The following TXN variants were observed in gnomAD, a reference collection of about 807,000 sequenced individuals.
The protein encoded by TXN is thioredoxin.
TXN carries 10 observed loss-of-function variants against 16.5 expected under a neutral mutation model. That is an observed-to-expected ratio of 0.61 (90% CI 0.37 to 1.03). The LOEUF (loss-of-function observed/expected upper bound fraction) is 1.03. TXN is among the 50% of genes least tolerant of loss of function. The pLI is 0.01. For synonymous variants in TXN, 35 were observed against 39.4 expected (o/e 0.89, Z 0.42); for missense variants, 71 against 122.5 (o/e 0.58, Z 1.98).
At chr9:110,245,634 A>ATG (rs1837642263) in intron 3 of TXN, among the ~76,000 whole-genome samples, 1 of 23,482 alleles carries the variant, frequency 4.3e-5, no homozygotes. Flanking sequence ...ATATATATAT[A>ATG]TATATATATA....
rs1268499168 is a variant in TXN at position 110,245,646 on chromosome 9, A to AT, written c.190-804dup. 2.9e-3 allele frequency among the ~76,000 whole-genome samples: 82 copies of AT among 27,914 alleles called. 4 individuals are homozygous for AT. The highest frequency in any genetic ancestry group is 6.4e-3 in the African/African-American group (32 of 4,976). The allele number at this position is 27,914 out of a possible 152,430, so 18.3% of individuals were successfully genotyped here. On this transcript the variant is annotated intron_variant, in intron 3 of 4. Transcript: ENST00000374517. ...TATATATATATATATATATATATAT[A>AT]TATATATATTTTTTTTTTTTTTTTT...
chr9:110,253,124 A>G (rs117090056), intron 1 of TXN, among the ~76,000 whole-genome samples: 3,769 of 151,952 alleles, frequency 0.025, 71 homozygotes, highest in Non-Finnish European at 0.038. Flanking sequence ...TCAAATAAAT[A>G]AAAAACCATA....
chr9:110,245,654 A>ATTTTT lies in TXN; in HGVS notation c.190-816_190-812dup, dbSNP rs1228829953. On this transcript the variant is annotated intron_variant, in intron 3 of 4. Transcript: ENST00000374517. Reference sequence around the variant, plus strand: ...TATATATATATATATATATATATATATTTTTTTTTTTTTTTTTTTATAGGG... The same window carrying ATTTTT: ...TATATATATATATATATATATATATATTTTTTTTTTTTTTTTTTTTTTTTATAGGG... 6.9e-4 allele frequency among the ~76,000 whole-genome samples: 15 copies of ATTTTT among 21,784 alleles called. 1 individual carries two copies. Among genetic ancestry groups the ATTTTT allele is most frequent in the South Asian group, 2.4e-3 (1 of 412 alleles). The allele number at this position is 21,784 out of a possible 152,430, so 14.3% of individuals were successfully genotyped here. A position where few individuals can be genotyped will look rare whatever the true frequency, so the allele number is the denominator to read the frequency against.
intron 2 of TXN, 56 bp downstream of exon 2, chr9:110,251,302 A>G: frequency 7.7e-7 from 1 of 1,304,148 alleles, no homozygotes; most frequent in South Asian, 1.2e-5. Flanking sequence ...TACCACTGTG[A>G]CCACCAACTC....
At chr9:110,253,898 A>G (rs926702003) in intron 1 of TXN, among the ~76,000 whole-genome samples, 27 of 152,316 alleles carry the variant, frequency 1.8e-4, no homozygotes, top group African/African-American at 6.0e-4. Flanking sequence ...TGGGGGAAGC[A>G]GAACAGTGTA....
chr9:110,247,582 A>G (rs1308209765), intron 3 of TXN, among the ~76,000 whole-genome samples: 4 of 152,230 alleles, frequency 2.6e-5, no homozygotes, highest in African/African-American at 4.8e-5. Context: ...CTGCGCTGCA[A>G]TTACATACAA....
intron 3 of TXN, among the ~76,000 whole-genome samples, chr9:110,246,818 T>C (rs1041153477): frequency 3.9e-5 from 6 of 152,288 alleles, no homozygotes; most frequent in East Asian, 1.9e-4. Context: ...ATGGTGAATG[T>C]TTATTGAATG....
At chr9:110,247,621 C>T (rs970906579) in intron 3 of TXN, among the ~76,000 whole-genome samples, 3 of 152,264 alleles carry the variant, frequency 2.0e-5, no homozygotes, top group African/African-American at 2.4e-5. Flanking sequence ...GCTTTACCTG[C>T]GGAATAGCCA....
intron 3 of TXN, among the ~76,000 whole-genome samples, chr9:110,247,442 A>G (rs899206004): frequency 4.6e-5 from 7 of 152,194 alleles, no homozygotes; most frequent in Admixed American, 1.3e-4. Flanking sequence ...AATGCACCAT[A>G]TAACATTTAG....
At chr9:110,254,991 A>G (rs1001086090) in intron 1 of TXN, among the ~76,000 whole-genome samples, 14 of 152,386 alleles carry the variant, frequency 9.2e-5, no homozygotes, top group African/African-American at 3.1e-4. Context: ...TTTTCAACAC[A>G]TGAGGGCTGC....
chr9:110,244,421 C>T (rs1469825519), intron 4 of TXN, among the ~76,000 whole-genome samples: 1 of 147,074 alleles, frequency 6.8e-6, no homozygotes, highest in East Asian at 2.0e-4. Context: ...GTAAACTTCC[C>T]TGAATAACAT....
intron 3 of TXN, among the ~76,000 whole-genome samples, chr9:110,245,655 T>TATATA (rs1491112333): frequency 8.4e-4 from 11 of 13,162 alleles, no homozygotes; most frequent in Non-Finnish European, 9.9e-4. Context: ...TATATATATA[T>TATATA]TTTTTTTTTT....
chr9:110,253,067 A>C (rs1482546290), intron 1 of TXN, among the ~76,000 whole-genome samples: 1 of 152,072 alleles, frequency 6.6e-6, no homozygotes, highest in African/African-American at 2.4e-5. Context: ...AAAAAAATGA[A>C]CATTCCCCGC....
chr9:110,254,600 A>T (rs1055147382), intron 1 of TXN, among the ~76,000 whole-genome samples: 1 of 152,246 alleles, frequency 6.6e-6, no homozygotes, highest in African/African-American at 2.4e-5. Flanking sequence ...TATTTTGAGG[A>T]TTAATTGATT....
chr9:110,251,054 T>G (rs993542609), intron 2 of TXN, among the ~76,000 whole-genome samples, 175 bp from the exon 3 acceptor site: 5 of 152,152 alleles, frequency 3.3e-5, no homozygotes, highest in Admixed American at 6.5e-5. Context: ...AATCAAATTT[T>G]TCTTAGTATA....
intron 1 of TXN, among the ~76,000 whole-genome samples, chr9:110,253,068 C>T (rs1837762212): frequency 6.6e-6 from 1 of 151,580 alleles, no homozygotes; most frequent in Admixed American, 6.6e-5. Context: ...AAAAAATGAA[C>T]ATTCCCCGCC....
At chr9:110,249,574 G>T (rs1020385764) in intron 3 of TXN, among the ~76,000 whole-genome samples, 6 of 152,170 alleles carry the variant, frequency 3.9e-5, no homozygotes, top group Non-Finnish European at 7.3e-5. Context: ...AAGGGGTGAA[G>T]CTCATGACAA....
rs574320158 is a variant in TXN at position 110,255,023 on chromosome 9, A to G, written c.24+1389T>C. 1.2e-4 allele frequency among the ~76,000 whole-genome samples: 18 copies of G among 152,368 alleles called. 2 individuals carry two copies. The South Asian group carries it at 3.7e-3, about 32-fold the overall frequency. ...CTGCTAAAATGAGAATCCCACTAAGAAAAAACTGATTGAGAGGAAGATAAA... is the reference window on the plus strand; with the variant it reads ...CTGCTAAAATGAGAATCCCACTAAGGAAAAACTGATTGAGAGGAAGATAAA... On this transcript the variant is annotated intron_variant, in intron 1 of 4. Coordinates refer to ENST00000374517, the MANE Select transcript of TXN (RefSeq NM_003329.4).
chr9:110,246,923 G>A (rs1281192568), intron 3 of TXN, among the ~76,000 whole-genome samples: 2 of 152,154 alleles, frequency 1.3e-5, no homozygotes, highest in Admixed American at 1.3e-4. Context: ...GAGAAATAAG[G>A]TTGGTCTATC....
Sources: allele counts gnomAD v4.1 joint callset (sites outside exome capture counted in the v4.1 genomes callset), GRCh38; gene constraint gnomAD v4.1.1; transcripts MANE v1.5; gene names NCBI Gene and HGNC (gene_info 2026-07-23, HGNC 2026-07-21).